Variants in DNAJB5 observed in about 807,000 individuals in gnomAD.
DNAJB5 encodes the protein dnaJ homolog subfamily B member 5.
A neutral mutation model predicts 32.6 loss-of-function variants in DNAJB5; 12 were observed. That is an observed-to-expected ratio of 0.37 (90% CI 0.24 to 0.60). The LOEUF (loss-of-function observed/expected upper bound fraction) is 0.60. DNAJB5 is among the 20% of genes least tolerant of loss of function. The pLI, the probability that DNAJB5 is intolerant of heterozygous loss-of-function variation, is 0.71. For synonymous variants in DNAJB5, 188 were observed against 212.9 expected (o/e 0.88, Z 1.02); for missense variants, 358 against 554.2 (o/e 0.65, Z 3.55).
rs78078655 is a variant in DNAJB5, at chr9:34,994,174, C to T, written c.427+730C>T. 4.2e-3 allele frequency among the ~76,000 whole-genome samples: 634 copies of T among 152,346 alleles called. 3 individuals carry two copies. The highest frequency in any genetic ancestry group is 5.5e-3 in the Non-Finnish European group (377 of 68,024). ...CCTGCCACCCGCCAGCCACAGGCACCTGTCAGGCTATATTAAGAGACATTG... is the reference window on the plus strand; with the variant it reads ...CCTGCCACCCGCCAGCCACAGGCACTTGTCAGGCTATATTAAGAGACATTG... On this transcript the variant is annotated intron_variant, in intron 3 of 4. Coordinates refer to ENST00000682809, the MANE Select transcript of DNAJB5 (RefSeq NM_001349723.3).
In DNAJB5 at chr9:34,990,431, GAC is replaced by G. The variant is rs1338655473; in HGVS notation, c.-132-65_-132-64del. 2.6e-6 allele frequency: 4 copies of G among 1,532,842 alleles called. No homozygotes were observed. Among genetic ancestry groups the G allele is most frequent in the African/African-American group, 1.4e-5 (1 of 72,984 alleles). The allele number at this position is 1,532,842 out of a possible 1,614,324, so 95.0% of individuals were successfully genotyped here. On this transcript the variant is annotated intron_variant, in intron 1 of 4. Transcript: ENST00000682809. This position sits in a 1 kb window ranked among gnomAD's most constrained non-coding sequence, Gnocchi z 4.5. ...CCATACAGCCGCTCACAGCCAGCCAGACACTGCTGCACCTGAGAGCAGGTGGC... is the reference window on the plus strand; with the variant it reads ...CCATACAGCCGCTCACAGCCAGCCAGACTGCTGCACCTGAGAGCAGGTGGC...
Position 34,990,057 on chromosome 9 carries a change from C to G in DNAJB5, c.-133+226C>G, listed in dbSNP as rs1361245747. ...AGGGGAGGGGAGGGGAGGGTCGAGT[C>G]GGACCGGACCAGATTGGGTTCTGTG... On this transcript the variant is annotated intron_variant, in intron 1 of 4. Coordinates refer to ENST00000682809, the MANE Select transcript of DNAJB5 (RefSeq NM_001349723.3). The surrounding 1 kb of genome is among the most constrained non-coding windows in gnomAD (Gnocchi z 4.5). Among the ~76,000 whole-genome samples the G allele has an allele frequency of 6.6e-6, 1 of 151,820 alleles. No homozygotes were observed. The highest frequency in any genetic ancestry group is 2.4e-5 in the African/African-American group (1 of 41,322).
chr9:34,995,436 G>C (rs1478640358), intron 3 of DNAJB5, among the ~76,000 whole-genome samples: 1 of 152,134 alleles, frequency 6.6e-6, no homozygotes. Flanking sequence ...CTGACAGAGA[G>C]AGCAGCTAAG....
rs775629624 is a variant in DNAJB5 at position 34,997,058 on chromosome 9, T to A, written c.1062T>A (p.Thr354=). 157 of 1,613,880 alleles carry A rather than the reference T, an allele frequency of 9.7e-5. 2 individuals are homozygous for A. The South Asian group carries it at 1.6e-3, about 16-fold the overall frequency. ...ALCGCTVNIP[T]IDGRVIPLPC... ...GTGGCTGCACTGTGAACATTCCCACTATCGACGGCCGAGTGATCCCTTTGC... is the reference window on the plus strand; with the variant it reads ...GTGGCTGCACTGTGAACATTCCCACAATCGACGGCCGAGTGATCCCTTTGC... Residue 354 remains threonine (T), a synonymous_variant, in exon 5 of 5, where the codon ACT becomes ACA. Transcript: ENST00000682809. The surrounding 1 kb of genome is among the most constrained non-coding windows in gnomAD (Gnocchi z 4.1).
rs367976055 is a variant in DNAJB5, at chr9:34,993,251, C to T, written c.234C>T (p.Tyr78=). The T allele has an allele frequency of 1.2e-6, 2 of 1,613,986 alleles. No individual in the cohort carries two copies. Among genetic ancestry groups the T allele is most frequent in the African/African-American group, 1.3e-5 (1 of 74,880 alleles). The change falls in exon 3 of 5, where the codon TAC becomes TAT. Residue 78 remains tyrosine (Y), a synonymous_variant. Transcript: ENST00000682809. The surrounding 1 kb of genome is among the most constrained non-coding windows in gnomAD (Gnocchi z 4.7). ...GPVAVMGKDY[Y]KILGIPSGAN... ...TGGCTGTGATGGGAAAAGATTATTA[C>T]AAGATTCTTGGGATCCCATCGGGGG... is the stretch of plus-strand genomic sequence containing the variant.
In DNAJB5 at chr9:34,996,417, A is replaced by G. The variant is rs371839967; in HGVS notation, c.580A>G (p.Ser194Gly). Residue 194 changes from serine to glycine, a missense_variant, in exon 4 of 5, where the codon AGT becomes GGT. Physicochemically the swap from Ser to Gly is moderately conservative, Grantham distance 56. This residue lies in a region of DNAJB5 where 248 missense variants were observed against 442.6 expected (regional missense o/e 0.56). Coordinates refer to ENST00000682809, the MANE Select transcript of DNAJB5 (RefSeq NM_001349723.3). This position sits in a 1 kb window ranked among gnomAD's most constrained non-coding sequence, Gnocchi z 7.2. ...FASSRSTRPFSGFDPDDMDVD... is the reference protein window; with the variant it reads ...FASSRSTRPFGGFDPDDMDVD... Reference sequence around the variant, plus strand: ...CAGCAGCCGCTCCACTCGGCCCTTCAGTGGCTTTGACCCAGATGACATGGA... The same window carrying G: ...CAGCAGCCGCTCCACTCGGCCCTTCGGTGGCTTTGACCCAGATGACATGGA... 10 of 1,613,988 alleles carry G rather than the reference A, an allele frequency of 6.2e-6. No homozygotes were observed. In the African/African-American group the frequency reaches 8.0e-5, roughly 13 times the overall value.
rs1462434544 is a variant in DNAJB5 at position 34,996,719 on chromosome 9, C to A, written c.882C>A (p.Gly294=). ...HIVIKRGWKE[G]TKITFPKEGD... ...TCATCAAGCGTGGCTGGAAGGAAGG[C>A]ACCAAGATCACCTTCCCCAAAGAAG... is the stretch of plus-strand genomic sequence containing the variant. The change falls in exon 4 of 5, where the codon GGC becomes GGA. Residue 294 remains glycine (G), a synonymous_variant. Coordinates refer to ENST00000682809, the MANE Select transcript of DNAJB5 (RefSeq NM_001349723.3). The surrounding 1 kb of genome is among the most constrained non-coding windows in gnomAD (Gnocchi z 7.2). The A allele has an allele frequency of 1.2e-6, 2 of 1,614,046 alleles. No individual in the cohort carries two copies. Among genetic ancestry groups the A allele is most frequent in the African/African-American group, 2.7e-5 (2 of 74,928 alleles).
chr9:34,991,663 C>CAA (rs1827638039), intron 2 of DNAJB5: 1 of 92,848 alleles, frequency 1.1e-5, no homozygotes, highest in Non-Finnish European at 2.3e-5. Context: ...TTTCCGAAAA[C>CAA]GGTTGCCCCC....
chr9:34,991,081 A>G, intron 2 of DNAJB5: 5 of 511,212 alleles, frequency 9.8e-6, no homozygotes, highest in Non-Finnish European at 1.8e-5. Context: ...TCATTAACCC[A>G]TTTTCCACCT....
In DNAJB5 at chr9:34,996,653, T is replaced by C; in HGVS notation, c.816T>C (p.Asp272=). The C allele has an allele frequency of 6.2e-7, 1 of 1,614,126 alleles. No homozygotes were observed. The highest frequency in any genetic ancestry group is 1.3e-5 in the African/African-American group (1 of 75,024). The change falls in exon 4 of 5, where the codon GAT becomes GAC. Residue 272 remains aspartate (D), a synonymous_variant. Transcript: ENST00000682809. The surrounding 1 kb of genome is among the most constrained non-coding windows in gnomAD (Gnocchi z 7.2). ...MKITRRRLNP[D]GRTVRTEDKI... is the part of the protein sequence containing the mutation. ...TCACAAGGCGTCGCCTCAACCCTGA[T>C]GGGCGAACTGTGCGCACCGAGGACA...
At position 34,996,995 on chromosome 9, in the gene DNAJB5, T is replaced by G; in HGVS notation, c.1030-31T>G. On this transcript the variant is annotated intron_variant, in intron 4 of 4. Transcript: ENST00000682809. The surrounding 1 kb of genome is among the most constrained non-coding windows in gnomAD (Gnocchi z 7.2). Reference sequence around the variant, plus strand: ...TCCTTCCCACTCACCTTACCCCACCTTTTCCTCACTTTCTGCTTCGTCTTT... The same window carrying G: ...TCCTTCCCACTCACCTTACCCCACCGTTTCCTCACTTTCTGCTTCGTCTTT... 1 of 1,607,304 alleles carries G rather than the reference T, an allele frequency of 6.2e-7. No homozygotes were observed. Among genetic ancestry groups the G allele is most frequent in the Non-Finnish European group, 8.5e-7 (1 of 1,178,818 alleles).
chr9:34,991,396 T>C (rs1827624784), intron 2 of DNAJB5: 9 of 456,038 alleles, frequency 2.0e-5, no homozygotes, highest in Non-Finnish European at 3.5e-5. Flanking sequence ...AAGAGATGTA[T>C]GGGCCTAGAG....
Position 34,996,207 on chromosome 9 carries a change from G to C in DNAJB5, c.428-58G>C, listed in dbSNP as rs1827787807. ...ACTGGGAGCTAGAGGGCAGGGGGAA[G>C]ACACTGGGATTGGGGCCAGAATAAG... On this transcript the variant is annotated intron_variant, in intron 3 of 4. Transcript: ENST00000682809. The surrounding 1 kb of genome is among the most constrained non-coding windows in gnomAD (Gnocchi z 7.2). The C allele has an allele frequency of 2.6e-6, 4 of 1,561,324 alleles. No individual in the cohort carries two copies. The highest frequency in any genetic ancestry group is 3.5e-6 in the Non-Finnish European group (4 of 1,153,842).
intron 2 of DNAJB5, chr9:34,991,579 G>A: frequency 5.7e-6 from 2 of 352,448 alleles, no homozygotes; most frequent in Non-Finnish European, 1.2e-5. Context: ...AGTCCCAGGG[G>A]AAAGAAGGTG....
At position 34,993,988 on chromosome 9, in the gene DNAJB5, G is replaced by A. The variant is rs960863324; in HGVS notation, c.427+544G>A. On this transcript the variant is annotated intron_variant, in intron 3 of 4. Coordinates refer to ENST00000682809, the MANE Select transcript of DNAJB5 (RefSeq NM_001349723.3). The surrounding 1 kb of genome is among the most constrained non-coding windows in gnomAD (Gnocchi z 4.7). ...AAGTGGCAGGGATCCAAGGGTGGAC[G>A]GGGAACTGCTGCTGGCATCTTCCCC... Among the ~76,000 whole-genome samples the A allele has an allele frequency of 1.3e-5, 2 of 152,208 alleles. No individual in the cohort carries two copies. Among genetic ancestry groups the A allele is most frequent in the Non-Finnish European group, 2.9e-5 (2 of 68,040 alleles).
At position 34,996,671 on chromosome 9, in the gene DNAJB5, C is replaced by T. The variant is rs201676026; in HGVS notation, c.834C>T (p.Thr278=). The change falls in exon 4 of 5, where the codon ACC becomes ACT. Residue 278 remains threonine (T), a synonymous_variant. Transcript: ENST00000682809. The surrounding 1 kb of genome is among the most constrained non-coding windows in gnomAD (Gnocchi z 7.2). Reference sequence around the variant, plus strand: ...ACCCTGATGGGCGAACTGTGCGCACCGAGGACAAGATCCTGCACATAGTCA... The same window carrying T: ...ACCCTGATGGGCGAACTGTGCGCACTGAGGACAAGATCCTGCACATAGTCA... ...RLNPDGRTVR[T]EDKILHIVIK... The T allele has an allele frequency of 5.0e-6, 8 of 1,614,072 alleles. No homozygotes were observed. The highest frequency in any genetic ancestry group is 3.3e-5 in the Admixed American group (2 of 60,026).
In DNAJB5 at chr9:34,993,035, A is replaced by G. The variant is rs557540648; in HGVS notation, c.183-165A>G. The G allele has an allele frequency of 2.6e-4, 375 of 1,435,868 alleles. No homozygotes were observed. The highest frequency in any genetic ancestry group is 3.2e-4 in the Non-Finnish European group (349 of 1,101,044). The allele number at this position is 1,435,868 out of a possible 1,614,324, so 88.9% of individuals were successfully genotyped here. The stretch of plus-strand genomic sequence containing the variant: ...TAGAATGTCAGAGCCAGAAGAGATC[A>G]TCTAGTCCAAACCTTTCATTTTACA... On this transcript the variant is annotated intron_variant, in intron 2 of 4. Coordinates refer to ENST00000682809, the MANE Select transcript of DNAJB5 (RefSeq NM_001349723.3). This position sits in a 1 kb window ranked among gnomAD's most constrained non-coding sequence, Gnocchi z 4.7.
In DNAJB5 at chr9:34,990,788, C is replaced by A. The variant is rs1322128954; in HGVS notation, c.158C>A (p.Thr53Lys). 6.4e-7 allele frequency: 1 copy of A among 1,551,436 alleles called. No individual in the cohort carries two copies. The highest frequency in any genetic ancestry group is 1.2e-5 in the South Asian group (1 of 84,038). Residue 53 changes from threonine (T) to lysine (K), a missense_variant, in exon 2 of 5, where the codon ACG (threonine) becomes AAG (lysine). This residue lies in a region of DNAJB5 where 110 missense variants were observed against 111.7 expected (regional missense o/e 0.99). Transcript: ENST00000682809. The surrounding 1 kb of genome is among the most constrained non-coding windows in gnomAD (Gnocchi z 4.5). Reference protein sequence around the residue: ...QLEPLKLRAWTLNGFVKFRNK... With the variant: ...QLEPLKLRAWKLNGFVKFRNK... Reference sequence around the variant, plus strand: ...GAGCCCTTAAAACTTCGAGCGTGGACGCTGAATGGGTTTGTAAAGTTTCGG... The same window carrying A: ...GAGCCCTTAAAACTTCGAGCGTGGAAGCTGAATGGGTTTGTAAAGTTTCGG...
rs908704206 is a variant in DNAJB5, at chr9:34,990,471, C to T, written c.-132-28C>T. The T allele has an allele frequency of 2.6e-4, 399 of 1,535,758 alleles. No homozygotes were observed. Among genetic ancestry groups the T allele is most frequent in the Non-Finnish European group, 3.4e-4 (391 of 1,146,464 alleles). ...GAGAGCAGGTGGCCGCGGGTCTTCTCCCTTCACTCTCCACATTTGGGGATC... is the reference window on the plus strand; with the variant it reads ...GAGAGCAGGTGGCCGCGGGTCTTCTTCCTTCACTCTCCACATTTGGGGATC... On this transcript the variant is annotated intron_variant, in intron 1 of 4. Transcript: ENST00000682809. This position sits in a 1 kb window ranked among gnomAD's most constrained non-coding sequence, Gnocchi z 4.5.
Sources: gnomAD v4.1 joint callset for allele counts (sites outside exome capture counted in the v4.1 genomes callset) on GRCh38, gnomAD v4.1.1 for gene constraint, gnomAD v4.1.1 regional missense constraint, Gnocchi (gnomAD v3.1) non-coding constraint, MANE v1.5 for transcripts, NCBI Gene and HGNC (gene_info 2026-07-23, HGNC 2026-07-21) for gene names.